SYNE2: variants seen among roughly 807,000 people sequenced by gnomAD.
SYNE2 encodes the protein spectrin repeat containing nuclear envelope protein 2, also known as nesprin-2.
SYNE2 carries 431 observed loss-of-function variants against 856.3 expected under a neutral mutation model. The observed-to-expected ratio is 0.50, with a 90% CI of 0.47 to 0.55. The LOEUF is 0.55. Among genes scored for constraint, SYNE2 ranks in the 20% least tolerant of loss-of-function variants. SYNE2 has a pLI of 0.00. For missense variants in SYNE2, 8,129 were observed against 8,023.2 expected (o/e 1.01, Z -0.50); for synonymous variants, 2,923 against 2,872.3 (o/e 1.02, Z -0.56).
intron 53 of SYNE2, 34 bp from the exon 54 acceptor site, chr14:64,075,911 C>A: frequency 6.2e-7 from 1 of 1,611,882 alleles, no homozygotes; most frequent in South Asian, 1.1e-5. Flanking sequence ...TTCCCCCAGT[C>A]TCGTGAGTAT....
intron 2 of SYNE2, among the ~76,000 whole-genome samples, chr14:63,935,038 G>A (rs1037499987): frequency 6.6e-6 from 1 of 150,926 alleles, no homozygotes; most frequent in African/African-American, 2.4e-5. Context: ...TTTGGGAAGT[G>A]GCAATACATG....
intron 2 of SYNE2, among the ~76,000 whole-genome samples, chr14:63,922,742 G>A (rs982821719): frequency 6.6e-5 from 10 of 152,168 alleles, no homozygotes; most frequent in Non-Finnish European, 2.9e-5. Context: ...TCAAGAGTAA[G>A]TCATACATGT....
rs1567298815 is a variant in SYNE2, at chr14:64,100,534, ATATATATATATATAT to A, written c.12382-1397_12382-1383del. 5.0e-3 allele frequency among the ~76,000 whole-genome samples: 235 copies of A among 46,608 alleles called. 24 individuals are homozygous for A. In the East Asian group the frequency reaches 0.066, roughly 13 times the overall value. 30.6% of individuals were successfully genotyped at this position (46,608 alleles called of 152,430 possible). ...TGTCTCAAAAAAAAAAAAAAAAAAT[ATATATATATATATAT>A]ATATATATATATATATATATATTTA... On this transcript the variant is annotated intron_variant, in intron 63 of 115. Transcript: ENST00000555002.
chr14:64,162,543 G>A (rs1567509913), intron 88 of SYNE2: 2 of 490,000 alleles, frequency 4.1e-6, no homozygotes. Context: ...CATCTCTAAG[G>A]CAAAAGCTTC....
chr14:64,072,355 C>G (rs937413747), intron 52 of SYNE2, among the ~76,000 whole-genome samples: 1 of 152,178 alleles, frequency 6.6e-6, no homozygotes, highest in African/African-American at 2.4e-5. Context: ...ACACATCAGG[C>G]AGTTCTCCAG....
intron 31 of SYNE2, among the ~76,000 whole-genome samples, chr14:64,008,025 C>T (rs533984677): frequency 2.6e-5 from 4 of 152,248 alleles, no homozygotes; most frequent in Admixed American, 1.3e-4. Context: ...AAGCTGTGTT[C>T]CTTCTGGAGG....
chr14:63,849,581 C>T (rs560681617), upstream of SYNE2, among the ~76,000 whole-genome samples: 1 of 152,262 alleles, frequency 6.6e-6, no homozygotes, highest in Admixed American at 6.5e-5. Context: ...TAAAACATGG[C>T]ACCCAAGTAT....
intron 78 of SYNE2, among the ~76,000 whole-genome samples, 162 bp from the exon 79 acceptor site, chr14:64,137,625 C>T (rs2098105324): frequency 6.6e-6 from 1 of 152,146 alleles, no homozygotes; most frequent in Admixed American, 6.5e-5. Flanking sequence ...AACCAATAAA[C>T]CATTAATCAT....
At chr14:64,203,197 C>T (rs2098585123) in intron 100 of SYNE2, among the ~76,000 whole-genome samples, 1 of 151,946 alleles carries the variant, frequency 6.6e-6, no homozygotes, top group South Asian at 2.1e-4. Flanking sequence ...AAGATGCAAA[C>T]CTTAATCTTG....
At chr14:63,986,251 C>G (rs2096624770) in intron 18 of SYNE2, among the ~76,000 whole-genome samples, 1 of 152,068 alleles carries the variant, frequency 6.6e-6, no homozygotes, top group Admixed American at 6.6e-5. Flanking sequence ...AGGCATGCAC[C>G]ATTATGCCCA....
At chr14:64,088,901 G>C (rs2097583804) in intron 58 of SYNE2, among the ~76,000 whole-genome samples, 1 of 152,162 alleles carries the variant, frequency 6.6e-6, no homozygotes, top group African/African-American at 2.4e-5. Context: ...ATTTTTAAAT[G>C]CTTCTATAAT....
rs1475396175 is a variant in SYNE2 at position 64,053,576 on chromosome 14, T to C, written c.9663T>C (p.Ser3221=). 6.2e-7 allele frequency: 1 copy of C among 1,614,052 alleles called. No homozygotes were observed. The highest frequency in any genetic ancestry group is 8.5e-7 in the Non-Finnish European group (1 of 1,180,036). ...AGAAACAAAGAGAAGAAAACTCTTC[T>C]GAAGCGAGTGATGTGGAGACAAAAC... ...AIEKQREENS[S]EASDVETKLR... The change falls in exon 48 of 116, where the codon TCT becomes TCC. Residue 3221 remains serine (S), a synonymous_variant. Coordinates refer to ENST00000555002, the MANE Select transcript of SYNE2 (RefSeq NM_182914.3).
intron 2 of SYNE2, among the ~76,000 whole-genome samples, chr14:63,933,197 C>T (rs188011386): frequency 6.6e-6 from 1 of 152,280 alleles, no homozygotes; most frequent in East Asian, 1.9e-4. Context: ...TTTAATCCTG[C>T]ATCGCTCTGC....
chr14:64,177,508 A>G (rs750799485), intron 96 of SYNE2, 25 bp downstream of exon 96: 1 of 1,614,158 alleles, frequency 6.2e-7, no homozygotes, highest in Non-Finnish European at 8.5e-7. Flanking sequence ...ACAAGTGGCC[A>G]AGATAATCAC....
intron 100 of SYNE2, chr14:64,208,325 G>A: frequency 2.7e-6 from 1 of 369,322 alleles, no homozygotes; most frequent in South Asian, 2.1e-5. Context: ...ATAAAAGATT[G>A]AGAGTTCCTG....
intron 1 of SYNE2, among the ~76,000 whole-genome samples, chr14:63,881,928 A>G (rs1330352276): frequency 6.6e-6 from 1 of 152,192 alleles, no homozygotes; most frequent in Non-Finnish European, 1.5e-5. Context: ...GAATTTTATT[A>G]CTCTTTAGAA....
rs1168470086 is a variant in SYNE2 at position 64,001,995 on chromosome 14, C to T, written c.3700C>T (p.Leu1234Phe). The T allele has an allele frequency of 6.2e-7, 1 of 1,613,976 alleles. No homozygotes were observed. Among genetic ancestry groups the T allele is most frequent in the African/African-American group, 1.3e-5 (1 of 74,926 alleles). The stretch of plus-strand genomic sequence containing the variant: ...ACCTGTAGAGAAGGCATCACTTCTT[C>T]TCTGTGGCTCGGACCTGCCTCTCCA... ...VLPVEKASLL[L>F]CGSDLPLHKM... Residue 1234 changes from leucine (L) to phenylalanine (F), a missense_variant, in exon 29 of 116, where the codon CTC becomes TTC. Physicochemically the swap from Leu to Phe is conservative, Grantham distance 22. This residue lies in a region of SYNE2 where 2,422 missense variants were observed against 2,357.4 expected (regional missense o/e 1.03). Coordinates refer to ENST00000555002, the MANE Select transcript of SYNE2 (RefSeq NM_182914.3).
intron 1 of SYNE2, among the ~76,000 whole-genome samples, chr14:63,792,235 TAATGTA>T (rs1887762866): frequency 6.6e-6 from 1 of 152,156 alleles, no homozygotes; most frequent in African/African-American, 2.4e-5. Context: ...TTCAAAGATA[TAATGTA>T]AATGTAAAAC....
Position 63,828,283 on chromosome 14 carries a change from A to C in SYNE2, c.-304-24218A>C, listed in dbSNP as rs145108478. ...AATACAAATTAAAAAATACAGTACA[A>C]CACCTAGTTAGACCATATTTACATT... On this transcript the variant is annotated intron_variant, in intron 1 of 23. Transcript: ENST00000674003. 5.4e-4 allele frequency among the ~76,000 whole-genome samples: 82 copies of C among 152,210 alleles called. 1 individual carries two copies. The East Asian group carries it at 0.011, about 20-fold the overall frequency.
Sources: gnomAD v4.1 joint callset for allele counts (sites outside exome capture counted in the v4.1 genomes callset) on GRCh38, gnomAD v4.1.1 for gene constraint, gnomAD v4.1.1 regional missense constraint, MANE v1.5 for transcripts, NCBI Gene and HGNC (gene_info 2026-07-23, HGNC 2026-07-21) for gene names.